BRD1: variants seen among roughly 807,000 people sequenced by gnomAD.
The protein encoded by BRD1 is bromodomain containing 1.
Under a neutral mutation model 107.7 loss-of-function variants are expected in BRD1, and 24 were observed. The ratio of observed to expected loss-of-function variants is 0.22; its 90% CI spans 0.16 to 0.31. The LOEUF (loss-of-function observed/expected upper bound fraction) is 0.31, where lower values mean the gene tolerates loss of function less well. Among genes scored for constraint, BRD1 ranks in the 10% least tolerant of loss-of-function variants. BRD1 has a pLI of 1.00. For synonymous variants in BRD1, 744 were observed against 686.1 expected (o/e 1.08, Z -1.32); for missense variants, 1,279 against 1,638.6 (o/e 0.78, Z 3.79).
At chr22:49,806,855 G>A (rs7364141) in intron 2 of BRD1, 2,187 of 152,286 alleles carry the variant, frequency 0.014, 50 homozygotes, top group African/African-American at 0.05. Flanking sequence ...AAAATTAGCC[G>A]GGTGTGGTGG....
At chr22:49,776,672 G>A (rs1017577363) in intron 10 of BRD1, among the ~76,000 whole-genome samples, 1 of 152,178 alleles carries the variant, frequency 6.6e-6, no homozygotes, top group Non-Finnish European at 1.5e-5. Context: ...CCTCCCCCAG[G>A]GGCCTGAAGT....
intron 12 of BRD1, among the ~76,000 whole-genome samples, chr22:49,774,785 C>G (rs1045789506): frequency 6.6e-5 from 10 of 152,264 alleles, no homozygotes; most frequent in African/African-American, 2.4e-4. Context: ...CTCGGATGGA[C>G]AAGGTGTGGG....
chr22:49,815,345 C>A (rs2059929914), intron 2 of BRD1, among the ~76,000 whole-genome samples: 1 of 152,158 alleles, frequency 6.6e-6, no homozygotes, highest in Admixed American at 6.5e-5. Flanking sequence ...GAGTTCGAGA[C>A]CAGCCTGGCC....
chr22:49,784,069 C>A (rs576167633), intron 8 of BRD1, among the ~76,000 whole-genome samples: 8 of 152,274 alleles, frequency 5.3e-5, no homozygotes, highest in African/African-American at 1.9e-4. Flanking sequence ...ACTGAAGACA[C>A]CCCCGCGCTC....
chr22:49,813,458 G>A (rs571806443), intron 2 of BRD1, among the ~76,000 whole-genome samples: 1 of 151,656 alleles, frequency 6.6e-6, no homozygotes, highest in African/African-American at 2.4e-5. Context: ...TCTTGACCTC[G>A]TGATCCGCCC....
Position 49,804,318 on chromosome 22 carries a change from C to A in BRD1, c.1410G>T (p.Lys470Asn). Residue 470 changes from lysine (K) to asparagine (N), a missense_variant, in exon 3 of 13, where the codon AAG becomes AAT. Physicochemically the swap from Lys to Asn is moderately conservative, Grantham distance 94. Transcript: ENST00000404760. ...IANQVAIQRK[K>N]QFVERAHSYW... The stretch of plus-strand genomic sequence containing the variant: ...AGCTGTGGGCTCGCTCCACAAACTG[C>A]TTCTTCCGCTGAATGGCCACCTGAT... The A allele has an allele frequency of 1.9e-6, 3 of 1,609,676 alleles. No homozygotes were observed. Among genetic ancestry groups the A allele is most frequent in the Non-Finnish European group, 2.5e-6 (3 of 1,177,698 alleles).
rs754529711 is a variant in BRD1, at chr22:49,823,334, G to A, written c.984C>T (p.Tyr328=). ...CACCCACGCCCTTCTGCTTACAGAG[G>A]TAGCATGTCAGTTTCCACCGGGCTG... is the stretch of plus-strand genomic sequence containing the variant. ...IPPARWKLTC[Y]LCKQKGVGAC... Residue 328 remains tyrosine (Y), a synonymous_variant, in exon 2 of 13, where the codon TAC becomes TAT. Transcript: ENST00000404760. 6.2e-7 allele frequency: 1 copy of A among 1,614,188 alleles called. No individual in the cohort carries two copies. Among genetic ancestry groups the A allele is most frequent in the Non-Finnish European group, 8.5e-7 (1 of 1,180,038 alleles).
At chr22:49,775,346 G>T in intron 12 of BRD1, 1 of 326,038 alleles carries the variant, frequency 3.1e-6, no homozygotes, top group Non-Finnish European at 5.5e-6. Context: ...GGGCTCAGGC[G>T]AGAGGGAGAG....
rs767589926 is a variant in BRD1 at position 49,824,292 on chromosome 22, C to T, written c.26G>A (p.Arg9Gln). MRRKGRCH[R>Q]GSAARHPSSP... is the part of the protein sequence containing the mutation. ...AGAAGGATGCCTCGCTGCAGAGCCT[C>T]GATGACATCGTCCTTTCCTCCTCAT... The change falls in exon 2 of 13, where the codon CGA (arginine) becomes CAA (glutamine). Residue 9 changes from arginine to glutamine, a missense_variant. Transcript: ENST00000404760. This position sits in a 1 kb window ranked among gnomAD's most constrained non-coding sequence, Gnocchi z 5.9. 98 of 1,613,712 alleles carry T rather than the reference C, an allele frequency of 6.1e-5. No homozygotes were observed. The East Asian group carries it at 1.5e-3, about 25-fold the overall frequency.
intron 2 of BRD1, chr22:49,806,184 A>AAAAG (rs1242717964): frequency 4.6e-5 from 7 of 152,336 alleles, no homozygotes; most frequent in Non-Finnish European, 1.5e-5. Context: ...TATCTCTTAA[A>AAAAG]AAAGAAAGAA....
At chr22:49,819,702 G>A (rs1055955123) in intron 2 of BRD1, among the ~76,000 whole-genome samples, 29 of 151,572 alleles carry the variant, frequency 1.9e-4, no homozygotes, top group Middle Eastern at 3.4e-3. Context: ...ACCCACCTCG[G>A]CCTCCCAAAG....
At chr22:49,798,255 G>A in intron 5 of BRD1, 138 bp from the exon 6 acceptor site, 2 of 1,006,730 alleles carry the variant, frequency 2.0e-6, no homozygotes, top group East Asian at 5.1e-5. Context: ...ACAGACATAA[G>A]ACCCAAGTAC....
intron 7 of BRD1, among the ~76,000 whole-genome samples, chr22:49,789,583 C>A (rs888392405): frequency 6.6e-6 from 1 of 151,662 alleles, no homozygotes; most frequent in Admixed American, 6.6e-5. Flanking sequence ...CAGTGGTCAA[C>A]CCCAGTCTTG....
intron 2 of BRD1, among the ~76,000 whole-genome samples, chr22:49,808,904 G>T (rs967111671): frequency 6.6e-6 from 1 of 152,088 alleles, no homozygotes; most frequent in African/African-American, 2.4e-5. Context: ...AGATCATGAG[G>T]TCAGGAGTTC....
chr22:49,822,620 G>A (rs1344539075), intron 2 of BRD1, among the ~76,000 whole-genome samples: 1 of 151,588 alleles, frequency 6.6e-6, no homozygotes, highest in Non-Finnish European at 1.5e-5. Context: ...TGAGGCAGGA[G>A]AATTGCTTGA....
At chr22:49,780,052 A>G (rs1187578712) in intron 8 of BRD1, among the ~76,000 whole-genome samples, 1 of 152,114 alleles carries the variant, frequency 6.6e-6, no homozygotes, top group Non-Finnish European at 1.5e-5. Flanking sequence ...GGAGGCTTTT[A>G]GTAGTTACTG....
At position 49,792,408 on chromosome 22, in the gene BRD1, G is replaced by A. The variant is rs4824099; in HGVS notation, c.2359+1626C>T. 0.084 allele frequency among the ~76,000 whole-genome samples: 12,762 copies of A among 152,174 alleles called. 647 individuals are homozygous for A. Among genetic ancestry groups the A allele is most frequent in the South Asian group, 0.16 (789 of 4,806 alleles). ...TGGGCTGCACGGAAGCAAAGGCTGCGGGACCAGGCACCAGCCTGGACTCCT... is the reference window on the plus strand; with the variant it reads ...TGGGCTGCACGGAAGCAAAGGCTGCAGGACCAGGCACCAGCCTGGACTCCT... On this transcript the variant is annotated intron_variant, in intron 7 of 12. Coordinates refer to ENST00000404760, the MANE Select transcript of BRD1 (RefSeq NM_001304808.3). The surrounding 1 kb of genome is among the most constrained non-coding windows in gnomAD (Gnocchi z 4.2).
At chr22:49,777,998 C>A (rs932948296) in intron 8 of BRD1, among the ~76,000 whole-genome samples, 185 bp from the exon 9 acceptor site, 1 of 152,236 alleles carries the variant, frequency 6.6e-6, no homozygotes, top group East Asian at 1.9e-4. Flanking sequence ...CAAAGTTACT[C>A]GTTAAATGAA....
Position 49,827,783 on chromosome 22 carries a change from AGCGGGCG to A in BRD1, c.-308_-302del, listed in dbSNP as rs977924844. Among the ~76,000 whole-genome samples, 42 of 136,340 alleles carry A rather than the reference AGCGGGCG, an allele frequency of 3.1e-4. No individual in the cohort carries two copies. Among genetic ancestry groups the A allele is most frequent in the Non-Finnish European group, 5.1e-4 (32 of 63,106 alleles). The allele number at this position is 136,340 out of a possible 152,430, so 89.4% of individuals were successfully genotyped here. ...CGGCGGGCGCGGGCGCGGGCGCGGG[AGCGGGCG>A]GCGGGCGGCGGGCGCGGGACGCGGG... On this transcript the variant is annotated 5_prime_UTR_variant, in exon 1 of 13. Transcript: ENST00000404760.
Sources: allele counts gnomAD v4.1 joint callset (sites outside exome capture counted in the v4.1 genomes callset), GRCh38; gene constraint gnomAD v4.1.1; non-coding constraint Gnocchi (gnomAD v3.1); transcripts MANE v1.5; gene names NCBI Gene and HGNC (gene_info 2026-07-23, HGNC 2026-07-21).